OR5V1: variants seen among roughly 807,000 people sequenced by gnomAD.
OR5V1 encodes olfactory receptor 5V1.
For missense variants in OR5V1, 365 were observed against 371.5 expected (o/e 0.98, Z 0.14); for synonymous variants, 134 against 143.2 (o/e 0.94, Z 0.46).
chr6:29,356,685 A>G (rs1778327626), intron 1 of OR5V1, among the ~76,000 whole-genome samples: 1 of 152,176 alleles, frequency 6.6e-6, no homozygotes, highest in Non-Finnish European at 1.5e-5. Flanking sequence ...AAATTAATGT[A>G]TTTGTTTTAG....
chr6:29,366,302 C>G (rs1047842682), intron 1 of OR5V1, among the ~76,000 whole-genome samples: 1 of 144,464 alleles, frequency 6.9e-6, no homozygotes, highest in African/African-American at 2.6e-5. Context: ...CATATGTATC[C>G]CTGAACTTAA....
rs113262420 is a variant in OR5V1, at chr6:29,367,665, C to G, written c.-83+967G>C. Reference sequence around the variant, plus strand: ...GATCAAATAGTTAACAAGTAGTGAACTAAGAGTAGAAAAAAATTCTTCTAT... The same window carrying G: ...GATCAAATAGTTAACAAGTAGTGAAGTAAGAGTAGAAAAAAATTCTTCTAT... On this transcript the variant is annotated intron_variant, in intron 1 of 1. Coordinates refer to ENST00000641768, the MANE Select transcript of OR5V1 (RefSeq NM_030876.6). Among the ~76,000 whole-genome samples the G allele has an allele frequency of 2.9e-3, 447 of 152,128 alleles. 4 individuals are homozygous for G. The highest frequency in any genetic ancestry group is 9.8e-3 in the African/African-American group (405 of 41,498).
intron 1 of OR5V1, among the ~76,000 whole-genome samples, chr6:29,367,743 G>C (rs1778921509): frequency 6.6e-6 from 1 of 152,040 alleles, no homozygotes; most frequent in Admixed American, 6.6e-5. Flanking sequence ...TGCTACATGG[G>C]TCATTGTTGC....
chr6:29,364,797 C>CAAAAAAAAAAAAAAAAA, intron 1 of OR5V1, among the ~76,000 whole-genome samples: 1 of 3,228 alleles, frequency 3.1e-4, no homozygotes, highest in African/African-American at 8.1e-4. Context: ...GACTCCGTCT[C>CAAAAAAAAAAAAAAAAA]AAAAAAAAAA....
intron 1 of OR5V1, among the ~76,000 whole-genome samples, chr6:29,362,378 T>C (rs1433929523): frequency 6.6e-6 from 1 of 152,128 alleles, no homozygotes; most frequent in Non-Finnish European, 1.5e-5. Context: ...GACAGATCAA[T>C]GAGACAGAAA....
chr6:29,362,597 ACAGTGCAATCAAATTAGAACT>A (rs1778621288), intron 1 of OR5V1, among the ~76,000 whole-genome samples: 1 of 152,262 alleles, frequency 6.6e-6, no homozygotes, highest in Admixed American at 6.5e-5. Context: ...CTCTCAGACC[ACAGTGCAATCAAATTAGAACT>A]CAGCATTAAG....
chr6:29,362,834 C>T (rs1230595536), intron 1 of OR5V1, among the ~76,000 whole-genome samples: 2 of 152,044 alleles, frequency 1.3e-5, no homozygotes, highest in African/African-American at 2.4e-5. Flanking sequence ...TAAATGCCCA[C>T]GTCAGAAAGC....
chr6:29,362,127 G>A (rs1292805021), intron 1 of OR5V1, among the ~76,000 whole-genome samples: 3 of 151,956 alleles, frequency 2.0e-5, no homozygotes, highest in South Asian at 2.1e-4. Flanking sequence ...AAAAAAGCAG[G>A]GGTTGCAATC....
In OR5V1 at chr6:29,353,870, A is replaced by G. The variant is rs1053950704; in HGVS notation, c.*1360T>C. On this transcript the variant is annotated 3_prime_UTR_variant, in exon 2 of 2. Coordinates refer to ENST00000641768, the MANE Select transcript of OR5V1 (RefSeq NM_030876.6). ...GGTTACAAATATATTTAGTTAAATG[A>G]AGAGTGTGCCAGTAAGCCAGTAGAG... 3.9e-5 allele frequency: 6 copies of G among 152,204 alleles called. No homozygotes were observed. The highest frequency in any genetic ancestry group is 9.6e-5 in the African/African-American group (4 of 41,556). 9.4% of individuals were successfully genotyped at this position (152,204 alleles called of 1,614,324 possible).
In OR5V1 at chr6:29,356,162, A is replaced by G. The variant is rs773691805; in HGVS notation, c.34T>C (p.Phe12Leu). Residue 12 changes from phenylalanine to leucine, a missense_variant, in exon 2 of 2, where the codon TTC becomes CTC. Transcript: ENST00000641768. ...AGGTTGGAGAATCCCAAGATGATGA[A>G]TTCAGTTATAGCTGTTTGATTCTTT... ...ERKNQTAITE[F>L]IILGFSNLNE... 17 of 1,600,954 alleles carry G rather than the reference A, an allele frequency of 1.1e-5. No individual in the cohort carries two copies. Among genetic ancestry groups the G allele is most frequent in the African/African-American group, 1.3e-5 (1 of 74,362 alleles).
chr6:29,367,636 A>G (rs1251308458), intron 1 of OR5V1, among the ~76,000 whole-genome samples: 2 of 152,280 alleles, frequency 1.3e-5, no homozygotes, highest in East Asian at 1.9e-4. Flanking sequence ...TGGATTACTT[A>G]TAAGATCAAA....
chr6:29,366,428 G>A (rs895521690), intron 1 of OR5V1, among the ~76,000 whole-genome samples: 3 of 151,012 alleles, frequency 2.0e-5, no homozygotes, highest in African/African-American at 7.3e-5. Context: ...ATGTTTATTT[G>A]ACATATTTTG....
chr6:29,357,588 GT>G (rs1403185662), intron 1 of OR5V1, among the ~76,000 whole-genome samples: 1 of 152,100 alleles, frequency 6.6e-6, no homozygotes. Context: ...TGCCTGCAGT[GT>G]TTTGATGGTT....
In OR5V1 at chr6:29,355,066, C is replaced by A; in HGVS notation, c.*164G>T. On this transcript the variant is annotated 3_prime_UTR_variant, in exon 2 of 2. Transcript: ENST00000641768. The stretch of plus-strand genomic sequence containing the variant: ...TCTAAAGAGAGCAACATTGATATCT[C>A]TCATAGAACTAACTAAAGCTCAAGA... 1.7e-6 allele frequency: 1 copy of A among 590,032 alleles called. No individual in the cohort carries two copies. The highest frequency in any genetic ancestry group is 2.9e-5 in the East Asian group (1 of 33,984). 36.5% of individuals were successfully genotyped at this position (590,032 alleles called of 1,614,324 possible).
chr6:29,364,942 G>C (rs986292708), intron 1 of OR5V1, among the ~76,000 whole-genome samples: 4 of 151,588 alleles, frequency 2.6e-5, no homozygotes, highest in Non-Finnish European at 5.9e-5. Context: ...CAGAACAGAG[G>C]CCTCAGAAAT....
At chr6:29,357,350 A>T (rs2151271723) in intron 1 of OR5V1, among the ~76,000 whole-genome samples, 1 of 152,272 alleles carries the variant, frequency 6.6e-6, no homozygotes, top group South Asian at 2.1e-4. Context: ...CGTCTGGAAG[A>T]TGTCACGCAG....
Position 29,353,930 on chromosome 6 carries a change from A to G in OR5V1, c.*1300T>C, listed in dbSNP as rs1256263921. On this transcript the variant is annotated 3_prime_UTR_variant, in exon 2 of 2. Coordinates refer to ENST00000641768, the MANE Select transcript of OR5V1 (RefSeq NM_030876.6). ...ACAAAAACAGTATAGGAGACTGTACATAACACCATGTTAAGAAAGTTAACT... is the reference window on the plus strand; with the variant it reads ...ACAAAAACAGTATAGGAGACTGTACGTAACACCATGTTAAGAAAGTTAACT... 6.6e-6 allele frequency: 1 copy of G among 152,158 alleles called. No individual in the cohort carries two copies. Among genetic ancestry groups the G allele is most frequent in the Non-Finnish European group, 1.5e-5 (1 of 68,002 alleles). The allele number at this position is 152,158 out of a possible 1,614,324, so 9.4% of individuals were successfully genotyped here.
rs1455755781 is a variant in OR5V1 at position 29,358,614 on chromosome 6, T to C, written c.-82-2337A>G. On this transcript the variant is annotated intron_variant, in intron 1 of 1. Transcript: ENST00000641768. ...GTTATATATACCTGGTGGAATACTATGCAGCCTTTAAAAAAAGAAAATCCT... is the reference window on the plus strand; with the variant it reads ...GTTATATATACCTGGTGGAATACTACGCAGCCTTTAAAAAAAGAAAATCCT... 3.3e-5 allele frequency among the ~76,000 whole-genome samples: 5 copies of C among 152,324 alleles called. No individual in the cohort carries two copies. The East Asian group carries it at 9.7e-4, about 29-fold the overall frequency.
chr6:29,360,575 A>C (rs1458115226), intron 1 of OR5V1, among the ~76,000 whole-genome samples: 1 of 152,192 alleles, frequency 6.6e-6, no homozygotes, highest in Non-Finnish European at 1.5e-5. Flanking sequence ...CTTCCAGAGG[A>C]AGAAGCAGGC....
Sources: gnomAD v4.1 joint callset for allele counts (sites outside exome capture counted in the v4.1 genomes callset) on GRCh38, gnomAD v4.1.1 for gene constraint, MANE v1.5 for transcripts, NCBI Gene and HGNC (gene_info 2026-07-23, HGNC 2026-07-21) for gene names.